TUBGCP3: variants seen among roughly 807,000 people sequenced by gnomAD.
TUBGCP3 encodes gamma-tubulin complex component 3.
In TUBGCP3, 50 loss-of-function variants were observed where a neutral mutation model predicts 123.1. The ratio of observed to expected loss-of-function variants is 0.41; its 90% CI spans 0.32 to 0.51. The LOEUF is 0.51. Ranked by LOEUF, TUBGCP3 falls within the 20% of genes least tolerant of loss-of-function variation. The probability of loss-of-function intolerance (pLI) is 0.36; values close to 1 mark genes in which losing one functional copy is unlikely to be tolerated. For missense variants in TUBGCP3, 882 were observed against 1,127.0 expected (o/e 0.78, Z 3.11); for synonymous variants, 405 against 413.9 (o/e 0.98, Z 0.26).
In TUBGCP3 at chr13:112,554,037, C is replaced by T; in HGVS notation, c.966+20G>A. ...CCCAAAGTGCGCAGCATCCCAGCAT[C>T]CTAGGAACCATGAACGCACCTGCCC... On this transcript the variant is annotated intron_variant, in intron 8 of 21. Coordinates refer to ENST00000261965, the MANE Select transcript of TUBGCP3 (RefSeq NM_006322.6). 4 of 1,606,116 alleles carry T rather than the reference C, an allele frequency of 2.5e-6. No individual in the cohort carries two copies. The highest frequency in any genetic ancestry group is 1.1e-5 in the South Asian group (1 of 89,090).
At chr13:112,535,825 T>G (rs1171908912) in intron 11 of TUBGCP3, among the ~76,000 whole-genome samples, 1 of 152,244 alleles carries the variant, frequency 6.6e-6, no homozygotes, top group Admixed American at 6.5e-5. Flanking sequence ...TGATGACATA[T>G]CTAAGAAACT....
intron 8 of TUBGCP3, among the ~76,000 whole-genome samples, chr13:112,549,989 CAAAAAAAAA>C (rs750596642): frequency 3.5e-3 from 142 of 40,224 alleles, no homozygotes; most frequent in African/African-American, 0.011. Context: ...GACTCCATCT[CAAAAAAAAA>C]AAAAAAAAAA....
At position 112,516,533 on chromosome 13, in the gene TUBGCP3, T is replaced by A; in HGVS notation, c.1993A>T (p.Asn665Tyr). ...ECMSHYLRVF[N>Y]FLWRAKRMEY... ...ATCCGCTTCGCCCTCCAGAGGAAGT[T>A]AAATACTCTTAGGTAGTGGCTCATA... The change falls in exon 17 of 22, where the codon AAC (asparagine) becomes TAC (tyrosine). Residue 665 changes from asparagine (N) to tyrosine (Y), a missense_variant. Asn to Tyr is a moderately radical substitution (Grantham distance 143). Transcript: ENST00000261965. 1 of 1,614,154 alleles carries A rather than the reference T, an allele frequency of 6.2e-7. No individual in the cohort carries two copies. The highest frequency in any genetic ancestry group is 8.5e-7 in the Non-Finnish European group (1 of 1,180,020).
intron 5 of TUBGCP3, 61 bp from the exon 6 acceptor site, chr13:112,556,285 C>A: frequency 6.6e-7 from 1 of 1,517,174 alleles, no homozygotes; most frequent in East Asian, 2.3e-5. Context: ...CAAAAGTGTC[C>A]CTAGAAATTT....
Position 112,545,582 on chromosome 13 carries a change from A to G in TUBGCP3, c.1335+117T>C. The G allele has an allele frequency of 2.6e-6, 3 of 1,155,956 alleles. No homozygotes were observed. The highest frequency in any genetic ancestry group is 1.9e-5 in the Admixed American group (1 of 53,564). The allele number at this position is 1,155,956 out of a possible 1,614,324, so 71.6% of individuals were successfully genotyped here. A position where few individuals can be genotyped will look rare whatever the true frequency, so the allele number is the denominator to read the frequency against. ...TAAAATGTATATGGTATTCAATGGA[A>G]GTGCAGTTGCATTCCTGTTAGGAGA... On this transcript the variant is annotated intron_variant, in intron 11 of 21. Transcript: ENST00000261965. The surrounding 1 kb of genome is among the most constrained non-coding windows in gnomAD (Gnocchi z 4.1).
intron 17 of TUBGCP3, among the ~76,000 whole-genome samples, chr13:112,506,352 T>C (rs552178185): frequency 3.9e-5 from 6 of 152,334 alleles, no homozygotes; most frequent in Admixed American, 3.9e-4. Context: ...CCAATGGCTA[T>C]GACTGATGTA....
rs540966923 is a variant in TUBGCP3, at chr13:112,587,846, C to T, written c.76+59G>A. On this transcript the variant is annotated intron_variant, in intron 1 of 21. Coordinates refer to ENST00000261965, the MANE Select transcript of TUBGCP3 (RefSeq NM_006322.6). ...AGCCCCGGAACGTATTAGGGCTGCA[C>T]GCGCAGGGAGCAGCCCCCGGGACGG... 46 of 1,478,660 alleles carry T rather than the reference C, an allele frequency of 3.1e-5. No homozygotes were observed. The South Asian group carries it at 5.3e-4, about 17-fold the overall frequency. 91.6% of individuals were successfully genotyped at this position (1,478,660 alleles called of 1,614,324 possible).
intron 1 of TUBGCP3, among the ~76,000 whole-genome samples, chr13:112,586,818 G>T (rs1478003330): frequency 6.6e-6 from 1 of 152,110 alleles, no homozygotes; most frequent in Non-Finnish European, 1.5e-5. Context: ...GGACGGGGTT[G>T]TCCTCAAAGA....
intron 2 of TUBGCP3, among the ~76,000 whole-genome samples, chr13:112,566,958 C>T (rs9550148): frequency 0.16 from 23,971 of 152,230 alleles, 2,147 homozygotes; most frequent in Non-Finnish European, 0.21. Flanking sequence ...AAATTAACTT[C>T]TCCATATTAT....
rs1479947557 is a variant in TUBGCP3, at chr13:112,545,470, G to C, written c.1335+229C>G. On this transcript the variant is annotated intron_variant, in intron 11 of 21. Coordinates refer to ENST00000261965, the MANE Select transcript of TUBGCP3 (RefSeq NM_006322.6). The surrounding 1 kb of genome is among the most constrained non-coding windows in gnomAD (Gnocchi z 4.1). ...GGACGAGTGATTCCACCTTGCTGAG[G>C]AATAAACTGGGACAATTCTCCACTA... 6.3e-6 allele frequency: 3 copies of C among 478,426 alleles called. No homozygotes were observed. Among genetic ancestry groups the C allele is most frequent in the Non-Finnish European group, 1.1e-5 (3 of 268,964 alleles). The allele number at this position is 478,426 out of a possible 1,614,324, so 29.6% of individuals were successfully genotyped here. A position where few individuals can be genotyped will look rare whatever the true frequency, so the allele number is the denominator to read the frequency against.
At chr13:112,503,963 T>C in intron 19 of TUBGCP3, 69 bp downstream of exon 19, 2 of 1,530,204 alleles carry the variant, frequency 1.3e-6, no homozygotes, top group South Asian at 1.2e-5. Context: ...GATTCCCCCA[T>C]TTGACAGGAA....
intron 17 of TUBGCP3, among the ~76,000 whole-genome samples, chr13:112,510,439 A>G (rs999888411): frequency 6.6e-6 from 1 of 152,204 alleles, no homozygotes; most frequent in East Asian, 1.9e-4. Context: ...TGACCTTATC[A>G]AAGTACCCAT....
At chr13:112,495,263 T>C (rs1224103402) in intron 20 of TUBGCP3, among the ~76,000 whole-genome samples, 1 of 152,212 alleles carries the variant, frequency 6.6e-6, no homozygotes, top group Non-Finnish European at 1.5e-5. Context: ...AGGGGTCTAG[T>C]TTCTACACAA....
intron 4 of TUBGCP3, 82 bp from the exon 5 acceptor site, chr13:112,558,495 G>T (rs1880242000): frequency 3.3e-6 from 4 of 1,210,536 alleles, no homozygotes; most frequent in South Asian, 2.1e-5. Flanking sequence ...TTTATATTCA[G>T]ATTTTCCTTC....
chr13:112,516,676 T>C (rs1458391198), intron 16 of TUBGCP3, 101 bp from the exon 17 acceptor site: 1 of 1,366,964 alleles, frequency 7.3e-7, no homozygotes, highest in Admixed American at 2.3e-5. Flanking sequence ...TAGCAAACTA[T>C]CATAATAGGC....
intron 19 of TUBGCP3, among the ~76,000 whole-genome samples, chr13:112,501,313 C>A (rs551977475): frequency 6.6e-6 from 1 of 152,300 alleles, no homozygotes; most frequent in East Asian, 1.9e-4. Flanking sequence ...TTTATGTAGT[C>A]TAATAAAGAA....
chr13:112,567,256 A>G (rs577866939), intron 2 of TUBGCP3, among the ~76,000 whole-genome samples: 17 of 152,230 alleles, frequency 1.1e-4, no homozygotes, highest in African/African-American at 4.1e-4. Context: ...TTCTTCTTTA[A>G]AAGGAAAATC....
At chr13:112,513,077 G>A (rs1881778432) in intron 17 of TUBGCP3, among the ~76,000 whole-genome samples, 1 of 152,088 alleles carries the variant, frequency 6.6e-6, no homozygotes, top group Non-Finnish European at 1.5e-5. Flanking sequence ...TTTTGAAAGA[G>A]GAAAGGGAGG....
chr13:112,504,200 A>G (rs1881121757), intron 18 of TUBGCP3, 37 bp from the exon 19 acceptor site: 2 of 1,610,622 alleles, frequency 1.2e-6, no homozygotes, highest in Non-Finnish European at 1.7e-6. Context: ...AGATAAGCTC[A>G]TGTCCTTCCT....
Sources: allele counts gnomAD v4.1 joint callset (sites outside exome capture counted in the v4.1 genomes callset), GRCh38; gene constraint gnomAD v4.1.1; non-coding constraint Gnocchi (gnomAD v3.1); transcripts MANE v1.5; gene names NCBI Gene and HGNC (gene_info 2026-07-23, HGNC 2026-07-21).